HHLA1: variants seen among roughly 807,000 people sequenced by gnomAD.
HHLA1 encodes the protein HERV-H LTR-associating protein 1.
A neutral mutation model predicts 69.9 loss-of-function variants in HHLA1; 72 were observed. The observed-to-expected ratio is 1.03, with a 90% CI of 0.85 to 1.25. HHLA1 has a LOEUF of 1.25. Ranked by LOEUF, HHLA1 falls within the 50% of genes most tolerant of loss-of-function variation. The pLI is 0.00. For missense variants in HHLA1, 685 were observed against 642.2 expected, an observed-to-expected ratio of 1.07 and a Z score of -0.72; for synonymous variants, 252 against 233.2, an observed-to-expected ratio of 1.08 and a Z score of -0.73.
chr8:132,072,857 A>G (rs1428527565), intron 14 of HHLA1, among the ~76,000 whole-genome samples: 1 of 152,186 alleles, frequency 6.6e-6, no homozygotes, highest in Non-Finnish European at 1.5e-5. Flanking sequence ...TGTCCATAGC[A>G]ATGTAAATGA....
chr8:132,086,630 G>C (rs1011807775), intron 10 of HHLA1, among the ~76,000 whole-genome samples: 3 of 152,166 alleles, frequency 2.0e-5, no homozygotes, highest in Non-Finnish European at 4.4e-5. Flanking sequence ...TGTGTGTTGA[G>C]GGGGGTGTGG....
At position 132,063,978 on chromosome 8, in the gene HHLA1, G is replaced by C; in HGVS notation, c.*17C>G. ...CCCCTGAAGTAATTGTTATGCCCTA[G>C]TGTTATTTTCAAGGCCTCACACAGA... On this transcript the variant is annotated 3_prime_UTR_variant, in exon 17 of 17. Coordinates refer to ENST00000414222, the MANE Select transcript of HHLA1 (RefSeq NM_001145095.3). 1 of 1,289,648 alleles carries C rather than the reference G, an allele frequency of 7.8e-7. No homozygotes were observed. The highest frequency in any genetic ancestry group is 1.0e-6 in the Non-Finnish European group (1 of 976,834). The allele number at this position is 1,289,648 out of a possible 1,614,324, so 79.9% of individuals were successfully genotyped here.
intron 12 of HHLA1, among the ~76,000 whole-genome samples, 194 bp downstream of exon 12, chr8:132,077,532 C>G (rs574198952): frequency 4.6e-5 from 7 of 152,072 alleles, no homozygotes; most frequent in Admixed American, 1.3e-4. Context: ...AAAGAAGGAG[C>G]TTTCATTCAT....
intron 8 of HHLA1, among the ~76,000 whole-genome samples, chr8:132,088,917 A>G (rs147175613): frequency 6.6e-6 from 1 of 152,326 alleles, no homozygotes; most frequent in East Asian, 1.9e-4. Flanking sequence ...GATAGCTGTT[A>G]CTATTTCTCT....
intron 12 of HHLA1, among the ~76,000 whole-genome samples, 186 bp from the exon 13 acceptor site, chr8:132,076,729 G>A (rs543056256): frequency 6.6e-5 from 10 of 152,258 alleles, no homozygotes; most frequent in African/African-American, 2.4e-4. Context: ...AAGGAAATGG[G>A]AAAATCCCAT....
intron 10 of HHLA1, chr8:132,080,978 A>G (rs1045193528): frequency 6.6e-6 from 1 of 152,118 alleles, no homozygotes; most frequent in Non-Finnish European, 1.5e-5. Flanking sequence ...GGAATAAGAG[A>G]AGGAGAAAAA....
chr8:132,098,681 C>T, intron 5 of HHLA1, among the ~76,000 whole-genome samples: 1 of 151,834 alleles, frequency 6.6e-6, no homozygotes, highest in East Asian at 1.9e-4. Context: ...AGGCTGGTCT[C>T]AAACTCCTGA....
chr8:132,087,165 A>G (rs557909304), intron 10 of HHLA1, among the ~76,000 whole-genome samples: 5 of 152,212 alleles, frequency 3.3e-5, no homozygotes, highest in African/African-American at 4.8e-5. Flanking sequence ...GGGTTCTGAA[A>G]TATGGAAAAG....
intron 2 of HHLA1, among the ~76,000 whole-genome samples, 197 bp downstream of exon 2, chr8:132,104,990 A>T (rs1211587050): frequency 6.6e-6 from 1 of 152,216 alleles, no homozygotes; most frequent in East Asian, 1.9e-4. Context: ...GAAGGTGAAG[A>T]GAATTCTTTT....
chr8:132,090,253 G>C (rs2130891463), intron 7 of HHLA1, among the ~76,000 whole-genome samples: 1 of 152,230 alleles, frequency 6.6e-6, no homozygotes, highest in Non-Finnish European at 1.5e-5. Context: ...TGCCTGACAT[G>C]GTGGGCACTA....
chr8:132,094,050 T>A (rs913474593), intron 7 of HHLA1, among the ~76,000 whole-genome samples: 1 of 152,164 alleles, frequency 6.6e-6, no homozygotes, highest in Non-Finnish European at 1.5e-5. Flanking sequence ...CACAAAGATG[T>A]CCAAGGCAAA....
chr8:132,109,559 C>G (rs1824262417), intron 1 of HHLA1, among the ~76,000 whole-genome samples: 1 of 152,102 alleles, frequency 6.6e-6, no homozygotes, highest in African/African-American at 2.4e-5. Context: ...ATTGATCCTC[C>G]CATTTTGAGC....
chr8:132,063,307 T>C lies in HHLA1; in HGVS notation c.*688A>G, dbSNP rs1247707456. On this transcript the variant is annotated 3_prime_UTR_variant, in exon 17 of 17. Transcript: ENST00000414222. ...ACCTCTGAGTTCTACTCATGAATCA[T>C]TGAACCTGAGGGTGCTCATGGGGAC... The C allele has an allele frequency of 6.6e-6, 1 of 152,206 alleles. No homozygotes were observed. The highest frequency in any genetic ancestry group is 2.4e-5 in the African/African-American group (1 of 41,462). 9.4% of individuals were successfully genotyped at this position (152,206 alleles called of 1,614,324 possible).
intron 5 of HHLA1, 59 bp downstream of exon 5, chr8:132,098,823 A>G (rs940187012): frequency 4.6e-6 from 5 of 1,093,748 alleles, no homozygotes; most frequent in Non-Finnish European, 6.8e-6. Flanking sequence ...AAGGTTCAGA[A>G]AAGACACTGG....
intron 13 of HHLA1, 120 bp from the exon 14 acceptor site, chr8:132,076,249 T>C (rs915343611): frequency 8.3e-6 from 7 of 840,872 alleles, no homozygotes; most frequent in Admixed American, 7.4e-5. Flanking sequence ...AGGAAAATGA[T>C]AGCCAAAAAA....
chr8:132,074,881 T>C (rs1260402074), intron 14 of HHLA1, among the ~76,000 whole-genome samples: 1 of 152,104 alleles, frequency 6.6e-6, no homozygotes, highest in Non-Finnish European at 1.5e-5. Flanking sequence ...ATAGATATGG[T>C]AAATACCTAT....
At chr8:132,093,868 A>C (rs11780296) in intron 7 of HHLA1, among the ~76,000 whole-genome samples, 5 of 152,102 alleles carry the variant, frequency 3.3e-5, no homozygotes, top group Non-Finnish European at 1.5e-5. Flanking sequence ...TATTTGTTGA[A>C]GAGATTCACA....
intron 4 of HHLA1, among the ~76,000 whole-genome samples, chr8:132,099,500 G>T (rs1824079907): frequency 6.6e-6 from 1 of 152,200 alleles, no homozygotes; most frequent in Admixed American, 6.5e-5. Flanking sequence ...AGGTGTAGCA[G>T]GAGTGGCAGT....
chr8:132,065,911 C>A lies in HHLA1; in HGVS notation c.1527G>T (p.Arg509Ser), dbSNP rs1294364053. Residue 509 changes from arginine to serine, a missense_variant, in exon 16 of 17, where the codon AGG becomes AGT. Transcript: ENST00000414222. ...FLKNATYICQ[R>S]VKRVSHSHTL... ...TGTGCGAGTGGGACACCCTTTTCAC[C>A]CTCTGACAGATATATGTTGCATTCT... The A allele has an allele frequency of 1.5e-6, 2 of 1,302,844 alleles. No homozygotes were observed. The highest frequency in any genetic ancestry group is 2.0e-6 in the Non-Finnish European group (2 of 986,764). The allele number at this position is 1,302,844 out of a possible 1,614,324, so 80.7% of individuals were successfully genotyped here. A position where few individuals can be genotyped will look rare whatever the true frequency, so the allele number is the denominator to read the frequency against.
Sources: gnomAD v4.1 joint callset for allele counts (sites outside exome capture counted in the v4.1 genomes callset) on GRCh38, gnomAD v4.1.1 for gene constraint, MANE v1.5 for transcripts, NCBI Gene and HGNC (gene_info 2026-07-23, HGNC 2026-07-21) for gene names.